MAP3K5: variants seen among roughly 807,000 people sequenced by gnomAD.
MAP3K5 encodes mitogen-activated protein kinase kinase kinase 5.
In MAP3K5, 56 loss-of-function variants were observed where a neutral mutation model predicts 158.7. The ratio of observed to expected loss-of-function variants is 0.35; its 90% CI spans 0.28 to 0.44. The LOEUF is 0.44. Ranked by LOEUF, MAP3K5 falls within the 20% of genes least tolerant of loss-of-function variation. The pLI, the probability that MAP3K5 is intolerant of heterozygous loss-of-function variation, is 1.00. For missense variants in MAP3K5, 1,294 were observed against 1,674.8 expected (o/e 0.77, Z 3.97); for synonymous variants, 579 against 601.7 (o/e 0.96, Z 0.55).
At chr6:136,724,739 A>C (rs1781894795) in intron 1 of MAP3K5, among the ~76,000 whole-genome samples, 1 of 152,198 alleles carries the variant, frequency 6.6e-6, no homozygotes, top group East Asian at 1.9e-4. Context: ...AAATTCAAAT[A>C]AGTGACTTGT....
intron 1 of MAP3K5, among the ~76,000 whole-genome samples, chr6:136,762,646 C>G (rs1295689109): frequency 6.6e-6 from 1 of 152,154 alleles, no homozygotes; most frequent in Non-Finnish European, 1.5e-5. Context: ...GAAATTATAC[C>G]AGGGAAAGTA....
At chr6:136,589,070 G>C (rs1208399470) in intron 23 of MAP3K5, among the ~76,000 whole-genome samples, 1 of 152,194 alleles carries the variant, frequency 6.6e-6, no homozygotes, top group Non-Finnish European at 1.5e-5. Context: ...GCGATAAAAT[G>C]TTTAGCAAAG....
chr6:136,663,372 A>G (rs765158568), intron 8 of MAP3K5, among the ~76,000 whole-genome samples: 50 of 152,348 alleles, frequency 3.3e-4, no homozygotes, highest in Non-Finnish European at 5.4e-4. Flanking sequence ...ATTAAATTAC[A>G]GACATCATGA....
At chr6:136,700,031 G>A (rs12213099) in intron 3 of MAP3K5, among the ~76,000 whole-genome samples, 10 of 151,914 alleles carry the variant, frequency 6.6e-5, no homozygotes, top group Admixed American at 6.6e-5. Flanking sequence ...CCGAGATTGC[G>A]CCACTGCACT....
chr6:136,573,357 G>C (rs1247670343), intron 25 of MAP3K5, among the ~76,000 whole-genome samples: 1 of 152,196 alleles, frequency 6.6e-6, no homozygotes. Flanking sequence ...GAGTCAGACT[G>C]ATTATACCAC....
chr6:136,721,109 G>A (rs920000929), intron 1 of MAP3K5, among the ~76,000 whole-genome samples: 1 of 151,924 alleles, frequency 6.6e-6, no homozygotes, highest in South Asian at 2.1e-4. Context: ...AGAAGAAGGA[G>A]ATCATGTGAT....
At chr6:136,770,208 C>T (rs1446786034) in intron 1 of MAP3K5, among the ~76,000 whole-genome samples, 1 of 152,070 alleles carries the variant, frequency 6.6e-6, no homozygotes, top group Non-Finnish European at 1.5e-5. Context: ...AATGGATGGA[C>T]TGAGGCATAT....
intron 12 of MAP3K5, among the ~76,000 whole-genome samples, chr6:136,640,789 G>A (rs117005134): frequency 0.022 from 3,341 of 152,308 alleles, 61 homozygotes; most frequent in Non-Finnish European, 0.035. Flanking sequence ...CTGAGGTGAC[G>A]CAAGGCAAGC....
At chr6:136,572,266 T>C (rs183811187) in intron 25 of MAP3K5, among the ~76,000 whole-genome samples, 1 of 150,870 alleles carries the variant, frequency 6.6e-6, no homozygotes, top group Admixed American at 6.6e-5. Flanking sequence ...CTAAACTGAT[T>C]TTTTTTTTTA....
chr6:136,791,359 C>A (rs1478922448), intron 1 of MAP3K5, among the ~76,000 whole-genome samples: 2 of 152,092 alleles, frequency 1.3e-5, no homozygotes, highest in African/African-American at 2.4e-5. Context: ...AAAACAGGGA[C>A]CAAACCTCAC....
intron 25 of MAP3K5, chr6:136,579,928 T>C: frequency 2.2e-6 from 1 of 455,572 alleles, no homozygotes; most frequent in Admixed American, 2.4e-5. Context: ...AGCTATGCAA[T>C]ACCTCCTTAA....
chr6:136,579,895 C>A (rs1213493854), intron 25 of MAP3K5: 5 of 456,648 alleles, frequency 1.1e-5, no homozygotes, highest in African/African-American at 4.0e-5. Context: ...ATTTTAAAGA[C>A]AATTAAATTG....
At chr6:136,736,588 T>C (rs920365008) in intron 1 of MAP3K5, among the ~76,000 whole-genome samples, 1 of 152,192 alleles carries the variant, frequency 6.6e-6, no homozygotes, top group Non-Finnish European at 1.5e-5. Context: ...GACAGACAGG[T>C]GGCTGGACTT....
At chr6:136,625,432 C>T (rs1402322819) in intron 14 of MAP3K5, among the ~76,000 whole-genome samples, 1 of 152,148 alleles carries the variant, frequency 6.6e-6, no homozygotes, top group Non-Finnish European at 1.5e-5. Context: ...AGCAGAAACA[C>T]ACAAAACCAG....
At chr6:136,768,107 A>G (rs961516629) in intron 1 of MAP3K5, among the ~76,000 whole-genome samples, 6 of 152,228 alleles carry the variant, frequency 3.9e-5, no homozygotes, top group Non-Finnish European at 5.9e-5. Context: ...TAACTCTTAG[A>G]AGAAAACATA....
chr6:136,735,600 G>A (rs1782422624), intron 1 of MAP3K5, among the ~76,000 whole-genome samples: 1 of 152,142 alleles, frequency 6.6e-6, no homozygotes, highest in Non-Finnish European at 1.5e-5. Flanking sequence ...CGAGGCTGAG[G>A]CAGAGGATCG....
intron 25 of MAP3K5, among the ~76,000 whole-genome samples, chr6:136,572,207 A>C (rs1774400125): frequency 1.3e-5 from 2 of 152,228 alleles, no homozygotes; most frequent in African/African-American, 2.4e-5. Context: ...GGACAAGATT[A>C]GACCTTTTAC....
At chr6:136,688,648 A>T (rs143967397) in intron 7 of MAP3K5, among the ~76,000 whole-genome samples, 156 of 152,276 alleles carry the variant, frequency 1.0e-3, no homozygotes, top group African/African-American at 3.7e-3. Context: ...TGAAACAAAA[A>T]CAAAACCAGA....
intron 1 of MAP3K5, among the ~76,000 whole-genome samples, chr6:136,744,310 T>C (rs557595706): frequency 2.0e-5 from 3 of 152,222 alleles, no homozygotes; most frequent in Admixed American, 2.0e-4. Flanking sequence ...TGAGTTTTGC[T>C]GTAAATCTAA....
Sources: allele counts gnomAD v4.1 joint callset (sites outside exome capture counted in the v4.1 genomes callset), GRCh38; gene constraint gnomAD v4.1.1; transcripts MANE v1.5; gene names NCBI Gene and HGNC (gene_info 2026-07-23, HGNC 2026-07-21).